Variants in BRF2 observed in about 807,000 individuals in gnomAD.
The protein encoded by BRF2 is BRF2 general transcription factor IIIB subunit.
Under a neutral mutation model 26.6 loss-of-function variants are expected in BRF2, and 17 were observed. That is an observed-to-expected ratio of 0.64 (90% CI 0.44 to 0.96). BRF2 has a LOEUF of 0.96. Ranked by LOEUF, BRF2 falls within the 40% of genes least tolerant of loss-of-function variation. The probability of loss-of-function intolerance (pLI) is 0.00; values close to 1 mark genes in which losing one functional copy is unlikely to be tolerated. For missense variants in BRF2, 515 were observed against 537.0 expected (o/e 0.96, Z 0.40); for synonymous variants, 219 against 226.6 (o/e 0.97, Z 0.30).
intron 3 of BRF2, 107 bp downstream of exon 3, chr8:37,846,747 A>T (rs1251184946): frequency 1.2e-6 from 1 of 808,268 alleles, no homozygotes; most frequent in Non-Finnish European, 2.0e-6. Flanking sequence ...AGCCTGGGTG[A>T]TAAGAGCAAG....
At chr8:37,848,185 C>T (rs1805999086) in intron 2 of BRF2, among the ~76,000 whole-genome samples, 1 of 150,486 alleles carries the variant, frequency 6.6e-6, no homozygotes, top group African/African-American at 2.4e-5. Flanking sequence ...CTCCTGACCT[C>T]GTGATCCGCC....
rs749901485 is a variant in BRF2 at position 37,849,827 on chromosome 8, G to A, written c.-44C>T. ...GCCGCGGAAGCCTTCAGAGACTCCT[G>A]GGTCTGCAACAGCAACCGTGAGGCA... On this transcript the variant is annotated 5_prime_UTR_variant, in exon 1 of 4. Transcript: ENST00000220659. 1.3e-6 allele frequency: 2 copies of A among 1,557,156 alleles called. No homozygotes were observed. The highest frequency in any genetic ancestry group is 1.7e-6 in the Non-Finnish European group (2 of 1,154,748).
chr8:37,847,238 AT>A, intron 2 of BRF2, 63 bp from the exon 3 acceptor site: 1 of 1,474,028 alleles, frequency 6.8e-7, no homozygotes, highest in East Asian at 2.3e-5. Context: ...CTCCTAGAAA[AT>A]TCTGCTAGGA....
At chr8:37,848,774 T>TA in intron 1 of BRF2, 119 bp from the exon 2 acceptor site, 1 of 787,036 alleles carries the variant, frequency 1.3e-6, no homozygotes, top group Non-Finnish European at 2.2e-6. Context: ...GCTGCACAGT[T>TA]AAAGGCCCCA....
chr8:37,848,593 C>T lies in BRF2; in HGVS notation c.214+3G>A, dbSNP rs1387109336. ...CACTGTGTTGTAAAAGGTCAATTCT[C>T]ACCTCGTTGCTGGCTGCGACTAACT... On this transcript the variant is annotated splice_donor_region_variant and intron_variant, in intron 2 of 3. Coordinates refer to ENST00000220659, the MANE Select transcript of BRF2 (RefSeq NM_018310.4). The T allele has an allele frequency of 6.2e-7, 1 of 1,613,990 alleles. No individual in the cohort carries two copies. Among genetic ancestry groups the T allele is most frequent in the Non-Finnish European group, 8.5e-7 (1 of 1,179,826 alleles).
intron 1 of BRF2, 22 bp from the exon 2 acceptor site, chr8:37,848,677 ATAGTGTGCT>A (rs1806010018): frequency 6.2e-7 from 1 of 1,604,876 alleles, no homozygotes; most frequent in Non-Finnish European, 8.5e-7. Flanking sequence ...TAAACAACAA[ATAGTGTGCT>A]TAGCCTTTAT....
rs34143363 is a variant in BRF2 at position 37,849,642 on chromosome 8, C to G, written c.142G>C (p.Gly48Arg). ...GGGCCACAAGTACCTCGGAGATTGC[C>G]CTCGTCGCTGAAGGTAGTGGTAAGG... ...GVLTTTFSDE[G>R]NLREVTYSRS... The change falls in exon 1 of 4, where the codon GGC (glycine) becomes CGC (arginine). Residue 48 changes from glycine to arginine, a missense_variant. Coordinates refer to ENST00000220659, the MANE Select transcript of BRF2 (RefSeq NM_018310.4). 630 of 1,613,220 alleles carry G rather than the reference C, an allele frequency of 3.9e-4. 3 individuals carry two copies. In the African/African-American group the frequency reaches 7.5e-3, roughly 19 times the overall value.
Position 37,849,739 on chromosome 8 carries a change from C to T in BRF2, c.45G>A (p.Leu15=). 6.2e-7 allele frequency: 1 copy of T among 1,613,340 alleles called. No homozygotes were observed. Among genetic ancestry groups the T allele is most frequent in the Non-Finnish European group, 8.5e-7 (1 of 1,179,974 alleles). The change falls in exon 1 of 4, where the codon CTG becomes CTA. Residue 15 remains leucine, a synonymous_variant. Coordinates refer to ENST00000220659, the MANE Select transcript of BRF2 (RefSeq NM_018310.4). ...TCTGCGAATAGTGCGAGTCTTCCAC[C>T]AGCTCCGTGGAGCCGCAGTCCGGGC... The part of the protein sequence containing the change: ...GRCPDCGSTE[L]VEDSHYSQSQ...
rs147966564 is a variant in BRF2, at chr8:37,844,620, G to A, written c.1130C>T (p.Thr377Ile). 104 of 1,614,144 alleles carry A rather than the reference G, an allele frequency of 6.4e-5. No individual in the cohort carries two copies. The African/African-American group carries it at 1.2e-3, about 18-fold the overall frequency. ...AGAAATGTTCTCATCTCCAGTGACA[G>A]TGGAGACAGGGGGTACAGGGCAGAT... ...KRICPVPPVS[T>I]VTGDENISDS... Residue 377 changes from threonine to isoleucine, a missense_variant, in exon 4 of 4, where the codon ACT (threonine) becomes ATT (isoleucine). Physicochemically the swap from Thr to Ile is moderately conservative, Grantham distance 89. Coordinates refer to ENST00000220659, the MANE Select transcript of BRF2 (RefSeq NM_018310.4).
intron 1 of BRF2, 38 bp downstream of exon 1, chr8:37,849,592 C>G (rs1433971150): frequency 1.3e-6 from 2 of 1,560,172 alleles, no homozygotes; most frequent in African/African-American, 1.4e-5. Context: ...GATGTTAATC[C>G]CTCCACCGCC....
At chr8:37,848,142 G>T (rs1299550291) in intron 2 of BRF2, among the ~76,000 whole-genome samples, 1 of 151,332 alleles carries the variant, frequency 6.6e-6, no homozygotes, top group East Asian at 1.9e-4. Context: ...AGTAGAGATG[G>T]GGTTTCATCG....
chr8:37,846,859 G>GA lies in BRF2; in HGVS notation c.530_531insT (p.Ser178GlnfsTer36), dbSNP rs1410204186. 2.7e-5 allele frequency: 43 copies of GA among 1,610,772 alleles called. No homozygotes were observed. The highest frequency in any genetic ancestry group is 3.1e-5 in the Non-Finnish European group (37 of 1,177,300). The stretch of plus-strand genomic sequence containing the variant: ...GTCTCCCACCAGGGACGTACCTGCT[G>GA]CAATAGGTCTTCACCAGTTCTGCCA... On this transcript the variant is annotated frameshift_variant, in exon 3 of 4. Transcript: ENST00000220659. LOFTEE classifies it low-confidence loss of function (END_TRUNC).
In BRF2 at chr8:37,844,353, C is replaced by A; in HGVS notation, c.*137G>T. ...CTTTACTCCAGGACCCAGGGTCCAA[C>A]TAATGGCAGAGCCCCTCTTGGTTCC... On this transcript the variant is annotated 3_prime_UTR_variant, in exon 4 of 4. Coordinates refer to ENST00000220659, the MANE Select transcript of BRF2 (RefSeq NM_018310.4). 6.0e-6 allele frequency: 7 copies of A among 1,169,478 alleles called. No individual in the cohort carries two copies. Among genetic ancestry groups the A allele is most frequent in the Non-Finnish European group, 8.5e-6 (7 of 823,362 alleles). 72.4% of individuals were successfully genotyped at this position (1,169,478 alleles called of 1,614,324 possible). A position where few individuals can be genotyped will look rare whatever the true frequency, so the allele number is the denominator to read the frequency against.
chr8:37,846,848 ACGTACCTGCT>A lies in BRF2; in HGVS notation c.532_536+5del, dbSNP rs1301295213. 2.7e-5 allele frequency: 43 copies of A among 1,605,954 alleles called. No homozygotes were observed. Among genetic ancestry groups the A allele is most frequent in the Non-Finnish European group, 3.2e-5 (37 of 1,173,336 alleles). On this transcript the variant is annotated splice_donor_variant and splice_donor_5th_base_variant and coding_sequence_variant and intron_variant, in exon 3 of 4. Transcript: ENST00000220659. LOFTEE classifies it high-confidence loss of function. ...CCCATCCTACTGTCTCCCACCAGGG[ACGTACCTGCT>A]GCAATAGGTCTTCACCAGTTCTGCC...
chr8:37,847,409 G>A (rs1457937274), intron 2 of BRF2: 19 of 639,394 alleles, frequency 3.0e-5, no homozygotes, highest in Non-Finnish European at 2.9e-6. Context: ...AGGCTGGTTT[G>A]ATTCAGGGCC....
At chr8:37,846,693 G>A (rs1274139305) in intron 3 of BRF2, among the ~76,000 whole-genome samples, 161 bp downstream of exon 3, 3 of 152,136 alleles carry the variant, frequency 2.0e-5, no homozygotes, top group Non-Finnish European at 2.9e-5. Context: ...CTTGAACCCC[G>A]GAGGCGGAGG....
In BRF2 at chr8:37,844,078, C is replaced by G. The variant is rs969602906; in HGVS notation, c.*412G>C. On this transcript the variant is annotated 3_prime_UTR_variant, in exon 4 of 4. Transcript: ENST00000220659. ...GTGAATGCACGTAGGGCCAGAATTCCCCAGTTCCCGCTCCTCTGAGGGTTG... is the reference window on the plus strand; with the variant it reads ...GTGAATGCACGTAGGGCCAGAATTCGCCAGTTCCCGCTCCTCTGAGGGTTG... 3.1e-5 allele frequency: 6 copies of G among 193,418 alleles called. No homozygotes were observed. The highest frequency in any genetic ancestry group is 1.4e-4 in the African/African-American group (6 of 43,522). 12.0% of individuals were successfully genotyped at this position (193,418 alleles called of 1,614,324 possible).
chr8:37,845,888 C>T (rs1003262830), intron 3 of BRF2: 1 of 577,622 alleles, frequency 1.7e-6, no homozygotes, highest in African/African-American at 1.9e-5. Flanking sequence ...CCTGCTGAGA[C>T]AGAGCTGGGC....
chr8:37,849,583 A>T (rs1204665199), intron 1 of BRF2, 47 bp downstream of exon 1: 4 of 1,510,686 alleles, frequency 2.6e-6, no homozygotes, highest in Admixed American at 1.8e-5. Context: ...AAGGAATCTG[A>T]TGTTAATCCC....
Sources: gnomAD v4.1 joint callset for allele counts (sites outside exome capture counted in the v4.1 genomes callset) on GRCh38, gnomAD v4.1.1 for gene constraint, MANE v1.5 for transcripts, NCBI Gene and HGNC (gene_info 2026-07-23, HGNC 2026-07-21) for gene names.